The following PHLPP1 variants were observed in gnomAD, a reference collection of about 807,000 sequenced individuals.
PHLPP1 encodes the protein PH domain leucine-rich repeat-containing protein phosphatase 1.
In PHLPP1, 42 loss-of-function variants were observed where a neutral mutation model predicts 117.2. That is an observed-to-expected ratio of 0.36 (90% CI 0.28 to 0.46). The LOEUF is 0.46. Among genes scored for constraint, PHLPP1 ranks in the 20% least tolerant of loss-of-function variants. The pLI is 1.00. For missense variants in PHLPP1, 2,084 were observed against 2,241.9 expected, an observed-to-expected ratio of 0.93 and a Z score of 1.42; for synonymous variants, 1,042 against 970.7, an observed-to-expected ratio of 1.07 and a Z score of -1.37.
intron 4 of PHLPP1, among the ~76,000 whole-genome samples, chr18:62,889,060 A>G (rs571632748): frequency 9.7e-4 from 148 of 152,352 alleles, no homozygotes; most frequent in Non-Finnish European, 1.8e-3. Context: ...TAGAAAGGAA[A>G]AGTGGAACTC....
At chr18:62,920,144 A>G in intron 10 of PHLPP1, 30 bp downstream of exon 10, 1 of 1,596,710 alleles carries the variant, frequency 6.3e-7, no homozygotes, top group Non-Finnish European at 8.6e-7. Context: ...TTATCATCTG[A>G]GTCTATAAAT....
At chr18:62,948,256 G>A (rs1910357575) in intron 12 of PHLPP1, among the ~76,000 whole-genome samples, 1 of 150,562 alleles carries the variant, frequency 6.6e-6, no homozygotes, top group African/African-American at 2.5e-5. Flanking sequence ...ACCCGAGAGG[G>A]GGAAGCTACA....
chr18:62,887,569 C>CA (rs560858491), intron 4 of PHLPP1, among the ~76,000 whole-genome samples: 2 of 152,186 alleles, frequency 1.3e-5, no homozygotes, highest in Non-Finnish European at 2.9e-5. Flanking sequence ...CTTTCGTCCT[C>CA]ACGTGGCTGA....
chr18:62,741,694 G>A (rs1911530856), intron 1 of PHLPP1, among the ~76,000 whole-genome samples: 1 of 150,526 alleles, frequency 6.6e-6, no homozygotes, highest in South Asian at 2.1e-4. Context: ...TGTTATGTGT[G>A]CCACGAGGAA....
At chr18:62,814,883 T>C (rs1360089432) in intron 1 of PHLPP1, among the ~76,000 whole-genome samples, 1 of 152,174 alleles carries the variant, frequency 6.6e-6, no homozygotes, top group Non-Finnish European at 1.5e-5. Flanking sequence ...GTAAATAGAA[T>C]TATGTGAAAC....
intron 1 of PHLPP1, among the ~76,000 whole-genome samples, chr18:62,743,568 C>T (rs1213441988): frequency 5.3e-5 from 8 of 152,146 alleles, no homozygotes; most frequent in Admixed American, 5.2e-4. Context: ...AACGATGACA[C>T]TGTTATTTTC....
At chr18:62,929,034 A>G (rs560460660) in intron 10 of PHLPP1, among the ~76,000 whole-genome samples, 8 of 152,340 alleles carry the variant, frequency 5.3e-5, no homozygotes, top group Middle Eastern at 3.4e-3. Context: ...TTATGGAATG[A>G]TGAAACTGTT....
chr18:62,961,243 C>G (rs187898670), intron 13 of PHLPP1, among the ~76,000 whole-genome samples: 3 of 152,122 alleles, frequency 2.0e-5, no homozygotes, highest in African/African-American at 7.2e-5. Flanking sequence ...TGCAGTGAGC[C>G]GTGTTACGCT....
At chr18:62,826,286 T>A (rs1200197784) in intron 1 of PHLPP1, 1 of 402,068 alleles carries the variant, frequency 2.5e-6, no homozygotes, top group South Asian at 1.9e-5. Context: ...ATGTGAAGAA[T>A]ACATTTGTTA....
intron 10 of PHLPP1, among the ~76,000 whole-genome samples, chr18:62,938,525 T>A (rs1178039241): frequency 6.6e-6 from 1 of 152,220 alleles, no homozygotes; most frequent in Non-Finnish European, 1.5e-5. Context: ...GATACTATGA[T>A]AATAAAAAAT....
chr18:62,955,968 T>A (rs936759481), intron 12 of PHLPP1, among the ~76,000 whole-genome samples: 4 of 152,182 alleles, frequency 2.6e-5, no homozygotes, highest in African/African-American at 9.7e-5. Flanking sequence ...TTACCCAGTA[T>A]TATCGGGTAT....
At chr18:62,738,404 A>G (rs2122069812) in intron 1 of PHLPP1, among the ~76,000 whole-genome samples, 1 of 152,340 alleles carries the variant, frequency 6.6e-6, no homozygotes, top group East Asian at 1.9e-4. Flanking sequence ...ATAAAAAATA[A>G]TAAAAAAATG....
intron 2 of PHLPP1, among the ~76,000 whole-genome samples, chr18:62,837,127 A>G (rs557338337): frequency 6.6e-6 from 1 of 152,256 alleles, no homozygotes; most frequent in East Asian, 1.9e-4. Context: ...TAGGACTACA[A>G]GGTGTGCGCT....
intron 1 of PHLPP1, among the ~76,000 whole-genome samples, chr18:62,812,455 A>G (rs921250271): frequency 6.6e-6 from 1 of 152,196 alleles, no homozygotes; most frequent in African/African-American, 2.4e-5. Flanking sequence ...TAAAGGAGGT[A>G]GCTACGTATG....
chr18:62,975,635 CAG>C lies in PHLPP1; in HGVS notation c.3984+11_3984+12del, dbSNP rs763465802. ...GGCCATTATCACTGAGGTGAGAAAA[CAG>C]GGGTGTTGCCCAGGATGGTGGAGAG... On this transcript the variant is annotated intron_variant, in intron 16 of 16. Transcript: ENST00000262719. 7.7e-6 allele frequency: 12 copies of C among 1,564,814 alleles called. 1 individual carries two copies. In the South Asian group the frequency reaches 1.0e-4, roughly 13 times the overall value.
chr18:62,843,413 A>G (rs775806786), intron 3 of PHLPP1, among the ~76,000 whole-genome samples: 36 of 152,122 alleles, frequency 2.4e-4, no homozygotes, highest in Non-Finnish European at 4.6e-4. Flanking sequence ...GCTACAAGAG[A>G]AATGTTATTT....
intron 10 of PHLPP1, among the ~76,000 whole-genome samples, chr18:62,940,335 G>A (rs1431541441): frequency 4.1e-5 from 4 of 96,430 alleles, no homozygotes; most frequent in African/African-American, 1.2e-4. Flanking sequence ...TTTTATCCAC[G>A]TTTCTTTTTC....
intron 1 of PHLPP1, among the ~76,000 whole-genome samples, chr18:62,772,858 C>T (rs1022360784): frequency 7.6e-6 from 1 of 132,350 alleles, no homozygotes; most frequent in Non-Finnish European, 1.5e-5. Flanking sequence ...AAGATTTTCT[C>T]TTTCTTTTTG....
intron 1 of PHLPP1, among the ~76,000 whole-genome samples, chr18:62,761,112 G>A (rs1228416544): frequency 2.0e-5 from 3 of 151,824 alleles, no homozygotes; most frequent in African/African-American, 7.3e-5. Flanking sequence ...CAATCTGCCC[G>A]CCCTGGCCTC....
Sources: allele counts gnomAD v4.1 joint callset (sites outside exome capture counted in the v4.1 genomes callset), GRCh38; gene constraint gnomAD v4.1.1; transcripts MANE v1.5; gene names NCBI Gene and HGNC (gene_info 2026-07-23, HGNC 2026-07-21).